The following ZDHHC11B variants were observed in gnomAD, a reference collection of about 807,000 sequenced individuals.
ZDHHC11B encodes the protein zDHHC palmitoyltransferase 11B (putative).
A neutral mutation model predicts 42.3 loss-of-function variants in ZDHHC11B; 17 were observed. The observed-to-expected ratio is 0.40, with a 90% CI of 0.27 to 0.60. The LOEUF (loss-of-function observed/expected upper bound fraction) is 0.60. Among genes scored for constraint, ZDHHC11B ranks in the 20% least tolerant of loss-of-function variants. The probability of loss-of-function intolerance (pLI) is 0.41; values close to 1 mark genes in which losing one functional copy is unlikely to be tolerated. For synonymous variants in ZDHHC11B, 123 were observed against 193.5 expected (o/e 0.64, Z 3.02); for missense variants, 262 against 463.2 (o/e 0.57, Z 3.99).
chr5:775,600 G>A (rs1736408107), intron 1 of ZDHHC11B, among the ~76,000 whole-genome samples: 1 of 151,822 alleles, frequency 6.6e-6, no homozygotes, highest in African/African-American at 2.4e-5. Context: ...AGGAGCCGAT[G>A]CTCGTGCCCT....
intron 12 of ZDHHC11B, among the ~76,000 whole-genome samples, chr5:718,560 G>T (rs1214451165): frequency 6.6e-6 from 1 of 151,530 alleles, no homozygotes; most frequent in Non-Finnish European, 1.5e-5. Flanking sequence ...GCTGAATGTG[G>T]TGGTGAGTGC....
chr5:777,308 C>T (rs1251344396), intron 1 of ZDHHC11B, among the ~76,000 whole-genome samples: 1 of 151,788 alleles, frequency 6.6e-6, no homozygotes, highest in African/African-American at 2.4e-5. Flanking sequence ...GGCTTCAATT[C>T]AGACCTCAGT....
At position 745,342 on chromosome 5, in the gene ZDHHC11B, G is replaced by T. The variant is rs776451258; in HGVS notation, c.785-44C>A. On this transcript the variant is annotated intron_variant, in intron 8 of 13. Coordinates refer to ENST00000508859, the MANE Select transcript of ZDHHC11B (RefSeq NM_001351303.2). ...GAACAGGACAAGTTACCAGCCCTGC[G>T]GCTTTGCACGGCGCCCACAGGACAG... 9.4e-5 allele frequency: 144 copies of T among 1,530,274 alleles called. 6 individuals are homozygous for T. The highest frequency in any genetic ancestry group is 8.0e-5 in the Non-Finnish European group (89 of 1,117,296). 94.8% of individuals were successfully genotyped at this position (1,530,274 alleles called of 1,614,324 possible).
At chr5:773,329 T>C (rs541993184) in intron 1 of ZDHHC11B, among the ~76,000 whole-genome samples, 2 of 151,916 alleles carry the variant, frequency 1.3e-5, no homozygotes, top group East Asian at 3.9e-4. Flanking sequence ...CCTCACACCA[T>C]TTCCCCCAGA....
intron 11 of ZDHHC11B, 120 bp downstream of exon 11, chr5:733,632 C>G (rs1743236716): frequency 2.3e-6 from 2 of 869,962 alleles, no homozygotes; most frequent in Non-Finnish European, 3.6e-6. Context: ...TGAGCAGCAC[C>G]CTTGGACACA....
chr5:712,525 C>T (rs1455537229), intron 13 of ZDHHC11B, among the ~76,000 whole-genome samples: 1 of 118,448 alleles, frequency 8.4e-6, no homozygotes, highest in Non-Finnish European at 1.8e-5. Context: ...GAGATGAGTG[C>T]ATCACCGACA....
Position 777,479 on chromosome 5 carries a change from T to C in ZDHHC11B, c.-230+7189A>G, listed in dbSNP as rs947880305. ...TCACAAAAGCGGCGCGCACCCAGAC[T>C]GAGCGGCAAGATTTATTGCTAAGAG... On this transcript the variant is annotated intron_variant, in intron 1 of 13. Coordinates refer to ENST00000508859, the MANE Select transcript of ZDHHC11B (RefSeq NM_001351303.2). Among the ~76,000 whole-genome samples, 83 of 151,428 alleles carry C rather than the reference T, an allele frequency of 5.5e-4. 2 individuals carry two copies. Among genetic ancestry groups the C allele is most frequent in the Non-Finnish European group, 9.4e-4 (64 of 67,796 alleles).
At position 716,779 on chromosome 5, in the gene ZDHHC11B, C is replaced by A. The variant is rs750746719; in HGVS notation, c.*7+22G>T. The A allele has an allele frequency of 1.6e-4, 257 of 1,612,726 alleles. 4 individuals are homozygous for A. Among genetic ancestry groups the A allele is most frequent in the Non-Finnish European group, 2.8e-5 (33 of 1,179,428 alleles). ...CAAACTTGGGTAGATTTCAACATGACCTGCACTGCCACGTATCTTACCCGA... is the reference window on the plus strand; with the variant it reads ...CAAACTTGGGTAGATTTCAACATGAACTGCACTGCCACGTATCTTACCCGA... On this transcript the variant is annotated intron_variant, in intron 13 of 13. Transcript: ENST00000508859.
intron 4 of ZDHHC11B, 22 bp downstream of exon 4, chr5:766,676 C>A: frequency 6.3e-7 from 1 of 1,591,850 alleles, no homozygotes; most frequent in South Asian, 1.1e-5. Context: ...CCGCTTAGAC[C>A]ATGCCACGAT....
intron 6 of ZDHHC11B, among the ~76,000 whole-genome samples, chr5:752,534 G>A (rs1745909814): frequency 1.2e-5 from 1 of 85,904 alleles, no homozygotes; most frequent in African/African-American, 3.2e-5. Flanking sequence ...CCTTTCCATT[G>A]TATTATGTTC....
rs1301099450 is a variant in ZDHHC11B, at chr5:776,806, T to TC, written c.-230+7861dup. ...GGGCCAAGGAACAAGGCGGCTCAGG[T>TC]CCCATTCCTTATTTCAGAGCCCATT... On this transcript the variant is annotated intron_variant, in intron 1 of 13. Coordinates refer to ENST00000508859, the MANE Select transcript of ZDHHC11B (RefSeq NM_001351303.2). Among the ~76,000 whole-genome samples the TC allele has an allele frequency of 1.1e-4, 17 of 151,468 alleles. 1 individual carries two copies. Among genetic ancestry groups the TC allele is most frequent in the African/African-American group, 3.9e-4 (16 of 41,194 alleles).
At chr5:730,610 T>G in intron 11 of ZDHHC11B, 142 bp from the exon 12 acceptor site, 1 of 956,066 alleles carries the variant, frequency 1.0e-6, no homozygotes, top group South Asian at 2.2e-5. Flanking sequence ...TGGAATAGGA[T>G]CTCAGTGGTG....
chr5:784,560 G>T (rs1008676894), intron 1 of ZDHHC11B, among the ~76,000 whole-genome samples, 108 bp downstream of exon 1: 8 of 151,986 alleles, frequency 5.3e-5, no homozygotes, highest in Non-Finnish European at 1.2e-4. Flanking sequence ...GGGGAGCGCG[G>T]GGGGCAGGGG....
At chr5:712,753 C>CA (rs1362040361) in intron 13 of ZDHHC11B, among the ~76,000 whole-genome samples, 1 of 151,366 alleles carries the variant, frequency 6.6e-6, no homozygotes, top group African/African-American at 2.4e-5. Flanking sequence ...ACTAAAAATA[C>CA]AAAAAATTAG....
At chr5:728,819 C>T (rs1270050790) in intron 12 of ZDHHC11B, among the ~76,000 whole-genome samples, 7 of 151,750 alleles carry the variant, frequency 4.6e-5, no homozygotes, top group African/African-American at 9.7e-5. Flanking sequence ...CTCAGGAGTT[C>T]GAGACCAGTG....
intron 12 of ZDHHC11B, among the ~76,000 whole-genome samples, chr5:725,103 G>T (rs1433510681): frequency 6.6e-6 from 1 of 151,368 alleles, no homozygotes; most frequent in East Asian, 1.9e-4. Context: ...GCTCCCGAAT[G>T]TGGGACCCGG....
chr5:761,823 GTCT>G (rs1734651501), intron 4 of ZDHHC11B, among the ~76,000 whole-genome samples: 1 of 151,996 alleles, frequency 6.6e-6, no homozygotes, highest in Non-Finnish European at 1.5e-5. Flanking sequence ...GGGACACAAA[GTCT>G]TCTACTCACA....
rs1180854959 is a variant in ZDHHC11B at position 771,642 on chromosome 5, CTG to C, written c.-229-2714_-229-2713del. The stretch of plus-strand genomic sequence containing the variant: ...AACAGGAGCTTCTCACAGGCCTGGC[CTG>C]TGTTTCCCCTGGGCCTCTGCAGCAG... On this transcript the variant is annotated intron_variant, in intron 1 of 13. Transcript: ENST00000508859. Among the ~76,000 whole-genome samples the C allele has an allele frequency of 2.0e-5, 3 of 151,792 alleles. No homozygotes were observed. In the East Asian group the frequency reaches 5.8e-4, roughly 29 times the overall value.
chr5:752,322 C>A (rs1745883510), intron 6 of ZDHHC11B, among the ~76,000 whole-genome samples: 1 of 94,362 alleles, frequency 1.1e-5, no homozygotes, highest in African/African-American at 3.1e-5. Flanking sequence ...AAATCTGAGC[C>A]AAAAGCGATG....
Sources: gnomAD v4.1 joint callset for allele counts (sites outside exome capture counted in the v4.1 genomes callset) on GRCh38, gnomAD v4.1.1 for gene constraint, MANE v1.5 for transcripts, NCBI Gene and HGNC (gene_info 2026-07-23, HGNC 2026-07-21) for gene names.